Variants in R3HDM2 observed in about 807,000 individuals in gnomAD.
R3HDM2 encodes R3H domain-containing protein 2.
In R3HDM2, 38 loss-of-function variants were observed where a neutral mutation model predicts 124.5. That is an observed-to-expected ratio of 0.31 (90% CI 0.24 to 0.40). R3HDM2 has a LOEUF of 0.40. R3HDM2 is among the 10% of genes least tolerant of loss of function. The pLI is 1.00. For synonymous variants in R3HDM2, 391 were observed against 448.0 expected (o/e 0.87, Z 1.61); for missense variants, 869 against 1,236.9 (o/e 0.70, Z 4.46).
intron 1 of R3HDM2, among the ~76,000 whole-genome samples, chr12:57,408,456 C>T (rs1252315128): frequency 6.6e-6 from 1 of 152,020 alleles, no homozygotes; most frequent in Non-Finnish European, 1.5e-5. Context: ...AGGGGCCGGG[C>T]TTGGTGGTTC....
At chr12:57,286,661 C>A (rs1035636296) in intron 12 of R3HDM2, among the ~76,000 whole-genome samples, 1 of 152,078 alleles carries the variant, frequency 6.6e-6, no homozygotes, top group Non-Finnish European at 1.5e-5. Context: ...GTGGGTGGAT[C>A]ACCTGAGGTC....
intron 2 of R3HDM2, among the ~76,000 whole-genome samples, chr12:57,364,903 A>G (rs2062423978): frequency 6.9e-6 from 1 of 143,914 alleles, no homozygotes. Flanking sequence ...CAGCGAGCCG[A>G]GATCACACCA....
intron 2 of R3HDM2, among the ~76,000 whole-genome samples, chr12:57,339,285 C>T (rs553028401): frequency 3.4e-4 from 52 of 152,216 alleles, no homozygotes; most frequent in African/African-American, 1.2e-3. Context: ...GTGTAAGCCA[C>T]TACGTCTGAC....
At chr12:57,369,275 C>T (rs1313360439) in intron 2 of R3HDM2, among the ~76,000 whole-genome samples, 1 of 152,110 alleles carries the variant, frequency 6.6e-6, no homozygotes, top group Non-Finnish European at 1.5e-5. Context: ...TGAAAAGTGT[C>T]ATAGGAATTT....
intron 2 of R3HDM2, among the ~76,000 whole-genome samples, chr12:57,360,501 G>A (rs967732837): frequency 6.6e-6 from 1 of 151,994 alleles, no homozygotes; most frequent in African/African-American, 2.4e-5. Context: ...AGTCAGGCAT[G>A]GAAACCAAGA....
At chr12:57,302,354 C>T (rs999797632) in intron 4 of R3HDM2, among the ~76,000 whole-genome samples, 9 of 151,770 alleles carry the variant, frequency 5.9e-5, no homozygotes, top group Non-Finnish European at 8.8e-5. Flanking sequence ...GGGGCTGAGA[C>T]GGGTGGATCA....
intron 10 of R3HDM2, among the ~76,000 whole-genome samples, chr12:57,293,606 A>AT (rs1261776319): frequency 2.0e-5 from 3 of 152,106 alleles, no homozygotes; most frequent in Admixed American, 6.6e-5. Flanking sequence ...GTAGGGTGTA[A>AT]TAGAGTGTCC....
chr12:57,294,800 C>T (rs1307364094), intron 10 of R3HDM2, among the ~76,000 whole-genome samples: 1 of 152,222 alleles, frequency 6.6e-6, no homozygotes, highest in Non-Finnish European at 1.5e-5. Flanking sequence ...TTCTTATTCC[C>T]ACAGCAGTGG....
intron 2 of R3HDM2, among the ~76,000 whole-genome samples, chr12:57,389,454 C>T (rs1324820549): frequency 3.3e-5 from 5 of 152,200 alleles, no homozygotes; most frequent in Non-Finnish European, 7.3e-5. Context: ...CAGAAAATAA[C>T]TCCAAAGGAA....
chr12:57,416,171 GA>G (rs1387529001), intron 1 of R3HDM2, among the ~76,000 whole-genome samples: 1 of 151,994 alleles, frequency 6.6e-6, no homozygotes, highest in African/African-American at 2.4e-5. Flanking sequence ...CCTAATACGT[GA>G]ATAAAAATTC....
intron 11 of R3HDM2, among the ~76,000 whole-genome samples, chr12:57,290,210 T>C (rs1345199792): frequency 6.6e-6 from 1 of 152,254 alleles, no homozygotes; most frequent in Non-Finnish European, 1.5e-5. Context: ...TCAGAACATC[T>C]GTAGCTTTGC....
At chr12:57,408,097 T>C (rs2068690109) in intron 1 of R3HDM2, among the ~76,000 whole-genome samples, 1 of 152,158 alleles carries the variant, frequency 6.6e-6, no homozygotes, top group African/African-American at 2.4e-5. Context: ...GCCCAGCTAG[T>C]TTTTATTATT....
At chr12:57,350,108 G>A (rs528576582) in intron 2 of R3HDM2, among the ~76,000 whole-genome samples, 2 of 152,240 alleles carry the variant, frequency 1.3e-5, no homozygotes, top group South Asian at 4.1e-4. Context: ...TACTTGGGAA[G>A]TTGAGGCAGG....
chr12:57,381,893 C>A (rs763882157), intron 2 of R3HDM2, among the ~76,000 whole-genome samples: 1 of 152,108 alleles, frequency 6.6e-6, no homozygotes, highest in Non-Finnish European at 1.5e-5. Flanking sequence ...TCATGACTCA[C>A]TGCAGCCTCA....
At chr12:57,362,726 T>C (rs375991583) in intron 2 of R3HDM2, among the ~76,000 whole-genome samples, 1 of 152,256 alleles carries the variant, frequency 6.6e-6, no homozygotes, top group Non-Finnish European at 1.5e-5. Flanking sequence ...AGTTTTATTA[T>C]TTTTGTTTTG....
At chr12:57,260,089 C>T (rs1421998634) in intron 19 of R3HDM2, among the ~76,000 whole-genome samples, 1 of 151,382 alleles carries the variant, frequency 6.6e-6, no homozygotes, top group African/African-American at 2.4e-5. Context: ...CATGGTGAAA[C>T]CCCATCTCTA....
At chr12:57,308,352 G>A (rs1025238625) in intron 3 of R3HDM2, among the ~76,000 whole-genome samples, 8 of 151,542 alleles carry the variant, frequency 5.3e-5, no homozygotes, top group Non-Finnish European at 1.0e-4. Flanking sequence ...CACTGCGCCC[G>A]GCCTGAAGAC....
chr12:57,268,867 C>G (rs2043024890), intron 17 of R3HDM2, 55 bp downstream of exon 17: 2 of 1,580,358 alleles, frequency 1.3e-6, no homozygotes, highest in African/African-American at 2.7e-5. Flanking sequence ...GGGAGGCTCT[C>G]CTTTTCCTCA....
rs1420367946 is a variant in R3HDM2, at chr12:57,423,884, G to A, written c.-106+6836C>T. Among the ~76,000 whole-genome samples, 7 of 149,430 alleles carry A rather than the reference G, an allele frequency of 4.7e-5. No homozygotes were observed. In the East Asian group the frequency reaches 1.4e-3, roughly 29 times the overall value. ...AATCCCAGCCCTTTGGGAGGCTGAG[G>A]CGGGAAGATCACCTGAGGTCAGGAG... On this transcript the variant is annotated intron_variant, in intron 1 of 23. Transcript: ENST00000402412.
Sources: allele counts gnomAD v4.1 joint callset (sites outside exome capture counted in the v4.1 genomes callset), GRCh38; gene constraint gnomAD v4.1.1; transcripts MANE v1.5; gene names NCBI Gene and HGNC (gene_info 2026-07-23, HGNC 2026-07-21).